TMEM237: variants seen among roughly 807,000 people sequenced by gnomAD.
TMEM237 encodes the protein transmembrane protein 237, also known as amyotrophic lateral sclerosis 2 (juvenile) chromosome region, candidate 4.
Under a neutral mutation model 59.1 loss-of-function variants are expected in TMEM237, and 51 were observed. That is an observed-to-expected ratio of 0.86 (90% confidence interval 0.69 to 1.09). The LOEUF (loss-of-function observed/expected upper bound fraction) is 1.09. Among genes scored for constraint, TMEM237 ranks in the 50% least tolerant of loss-of-function variants. TMEM237 has a pLI of 0.00. For synonymous variants in TMEM237, 140 were observed against 166.1 expected, an observed-to-expected ratio of 0.84 and a Z score of 1.21; for missense variants, 475 against 478.3, an observed-to-expected ratio of 0.99 and a Z score of 0.06.
Position 201,636,888 on chromosome 2 carries a change from A to G in TMEM237, c.137-3T>C, listed in dbSNP as rs540193518. On this transcript the variant is annotated splice_polypyrimidine_tract_variant and splice_region_variant and intron_variant, in intron 4 of 12. Coordinates refer to ENST00000409883, the MANE Select transcript of TMEM237 (RefSeq NM_001044385.3). Reference sequence around the variant, plus strand: ...AAGGCCTTCCAAAGAAGCACTTGCTATAGAAAAACAGAGTAGAAAAAAATG... The same window carrying G: ...AAGGCCTTCCAAAGAAGCACTTGCTGTAGAAAAACAGAGTAGAAAAAAATG... 12 of 1,595,546 alleles carry G rather than the reference A, an allele frequency of 7.5e-6. No individual in the cohort carries two copies. Among genetic ancestry groups the G allele is most frequent in the African/African-American group, 6.7e-5 (5 of 74,228 alleles).
At position 201,636,433 on chromosome 2, in the gene TMEM237, C is replaced by T. The variant is rs144202660; in HGVS notation, c.274+315G>A. On this transcript the variant is annotated intron_variant, in intron 5 of 12. Transcript: ENST00000409883. ...TATATTATTGTTAGTACAGAATCTA[C>T]CATTTCCCCACTAATCTGAAATGTC... The T allele has an allele frequency of 2.7e-3, 630 of 233,426 alleles. 3 individuals are homozygous for T. The highest frequency in any genetic ancestry group is 0.014 in the African/African-American group (589 of 43,496). The allele number at this position is 233,426 out of a possible 1,614,324, so 14.5% of individuals were successfully genotyped here. A position where few individuals can be genotyped will look rare whatever the true frequency, so the allele number is the denominator to read the frequency against.
chr2:201,642,743 A>G lies in TMEM237; in HGVS notation c.42+616T>C, dbSNP rs540567076. On this transcript the variant is annotated intron_variant, in intron 1 of 12. Transcript: ENST00000409883. ...CATCGGGCCGCGCCGCCTGGCTAGT[A>G]CCCCGCGCGCAGCGCCCTGCGGGGA... 593 of 1,482,698 alleles carry G rather than the reference A, an allele frequency of 4.0e-4. 7 individuals carry two copies. In the East Asian group the frequency reaches 0.013, roughly 31 times the overall value. The allele number at this position is 1,482,698 out of a possible 1,614,324, so 91.8% of individuals were successfully genotyped here. A position where few individuals can be genotyped will look rare whatever the true frequency, so the allele number is the denominator to read the frequency against.
Position 201,636,866 on chromosome 2 carries a change from G to C in TMEM237, c.156C>G (p.Gly52=). 6.2e-7 allele frequency: 1 copy of C among 1,605,040 alleles called. No individual in the cohort carries two copies. The highest frequency in any genetic ancestry group is 2.2e-5 in the East Asian group (1 of 44,820). ...KNTPASASLE[G]LAQTAGRRPS... ...GCCTTCGACCAGCAGTCTGAGCAAG[G>C]CCTTCCAAAGAAGCACTTGCTATAG... The change falls in exon 5 of 13, where the codon GGC becomes GGG. Residue 52 remains glycine, a synonymous_variant. Coordinates refer to ENST00000409883, the MANE Select transcript of TMEM237 (RefSeq NM_001044385.3).
At position 201,643,493 on chromosome 2, in the gene TMEM237, C is replaced by T; in HGVS notation, c.-93G>A. On this transcript the variant is annotated 5_prime_UTR_variant, in exon 1 of 13. Coordinates refer to ENST00000409883, the MANE Select transcript of TMEM237 (RefSeq NM_001044385.3). This position sits in a 1 kb window ranked among gnomAD's most constrained non-coding sequence, Gnocchi z 4.3. ...GCGGCCTCCGGGACCTGTGGGACGC[C>T]GGGGCTTCGTGGCGCCTGGCGAGGC... 8.6e-7 allele frequency: 1 copy of T among 1,168,048 alleles called. No individual in the cohort carries two copies. Among genetic ancestry groups the T allele is most frequent in the East Asian group, 3.3e-5 (1 of 30,512 alleles). 72.4% of individuals were successfully genotyped at this position (1,168,048 alleles called of 1,614,324 possible). A position where few individuals can be genotyped will look rare whatever the true frequency, so the allele number is the denominator to read the frequency against.
chr2:201,642,867 G>A, intron 1 of TMEM237: 1 of 1,337,132 alleles, frequency 7.5e-7, no homozygotes. Flanking sequence ...CCCAGGAGCA[G>A]AAATCTGGCG....
At chr2:201,627,783 G>A (rs1198220821) in intron 10 of TMEM237, among the ~76,000 whole-genome samples, 2 of 151,988 alleles carry the variant, frequency 1.3e-5, no homozygotes, top group Non-Finnish European at 2.9e-5. Flanking sequence ...TTATTAAAAG[G>A]CCATACCCGC....
chr2:201,626,209 C>G, intron 11 of TMEM237, 62 bp from the exon 12 acceptor site: 1 of 1,540,172 alleles, frequency 6.5e-7, no homozygotes, highest in Non-Finnish European at 8.8e-7. Context: ...ACAAATATAT[C>G]TATTTTATGA....
intron 4 of TMEM237, 87 bp from the exon 5 acceptor site, chr2:201,636,972 T>G (rs1687308035): frequency 7.5e-7 from 1 of 1,341,192 alleles, no homozygotes; most frequent in Non-Finnish European, 1.0e-6. Flanking sequence ...GTAACTAGAA[T>G]GTTTCCTATA....
chr2:201,626,623 T>C (rs1957761308), intron 11 of TMEM237, among the ~76,000 whole-genome samples: 3 of 151,486 alleles, frequency 2.0e-5, no homozygotes, highest in African/African-American at 7.3e-5. Flanking sequence ...GGCTGGCCGC[T>C]GATCTGCAGA....
rs1687461521 is a variant in TMEM237, at chr2:201,643,003, G to C, written c.42+356C>G. On this transcript the variant is annotated intron_variant, in intron 1 of 12. Transcript: ENST00000409883. This position sits in a 1 kb window ranked among gnomAD's most constrained non-coding sequence, Gnocchi z 4.3. ...TCCGCAGGCGAACAGATCTCTTCTG[G>C]GCAGCTACAGACCTCTCCTCGGAGG... is the stretch of plus-strand genomic sequence containing the variant. 1 of 1,297,112 alleles carries C rather than the reference G, an allele frequency of 7.7e-7. No homozygotes were observed. Among genetic ancestry groups the C allele is most frequent in the Non-Finnish European group, 9.8e-7 (1 of 1,025,208 alleles). 80.4% of individuals were successfully genotyped at this position (1,297,112 alleles called of 1,614,324 possible). A position where few individuals can be genotyped will look rare whatever the true frequency, so the allele number is the denominator to read the frequency against.
At chr2:201,629,481 G>A in intron 8 of TMEM237, 60 bp from the exon 9 acceptor site, 1 of 1,425,644 alleles carries the variant, frequency 7.0e-7, no homozygotes, top group Non-Finnish European at 9.2e-7. Context: ...GCTAAAACAT[G>A]TTTAAAATCT....
intron 1 of TMEM237, chr2:201,642,611 C>T (rs1687447652): frequency 6.2e-7 from 1 of 1,609,224 alleles, no homozygotes; most frequent in Non-Finnish European, 8.5e-7. Flanking sequence ...TCGCTTACCA[C>T]AGGATTCTTC....
intron 6 of TMEM237, 134 bp downstream of exon 6, chr2:201,633,177 G>A (rs1687213508): frequency 1.2e-6 from 1 of 819,684 alleles, no homozygotes; most frequent in South Asian, 2.8e-5. Context: ...CTGATTTTTT[G>A]TAATAATACT....
At chr2:201,640,971 T>TC (rs765912711) in intron 1 of TMEM237, 47 bp from the exon 2 acceptor site, 291 of 1,548,942 alleles carry the variant, frequency 1.9e-4, no homozygotes, top group Non-Finnish European at 2.4e-4. Context: ...GCCTAGAGCA[T>TC]CTTTACTTCA....
At position 201,622,410 on chromosome 2, in the gene TMEM237, T is replaced by C. The variant is rs1393127128; in HGVS notation, c.*1845A>G. The stretch of plus-strand genomic sequence containing the variant: ...CACAGAGCTGCCTTCCTTTCTTGGC[T>C]CTAGGGGAGGATTTGTTTCCTTGCT... On this transcript the variant is annotated 3_prime_UTR_variant, in exon 13 of 13. Coordinates refer to ENST00000409883, the MANE Select transcript of TMEM237 (RefSeq NM_001044385.3). The C allele has an allele frequency of 6.6e-6, 1 of 152,200 alleles. No homozygotes were observed. Among genetic ancestry groups the C allele is most frequent in the Non-Finnish European group, 1.5e-5 (1 of 68,058 alleles). 9.4% of individuals were successfully genotyped at this position (152,200 alleles called of 1,614,324 possible).
At chr2:201,626,317 G>A in intron 11 of TMEM237, 170 bp from the exon 12 acceptor site, 1 of 661,682 alleles carries the variant, frequency 1.5e-6, no homozygotes, top group Non-Finnish European at 2.4e-6. Flanking sequence ...TATATAATGA[G>A]AACAAGGGTT....
chr2:201,643,020 C>T lies in TMEM237; in HGVS notation c.42+339G>A. ...CTCTTCTGGGCAGCTACAGACCTCT[C>T]CTCGGAGGAGTCTAGGAGAGGCCTG... On this transcript the variant is annotated intron_variant, in intron 1 of 12. Coordinates refer to ENST00000409883, the MANE Select transcript of TMEM237 (RefSeq NM_001044385.3). This position sits in a 1 kb window ranked among gnomAD's most constrained non-coding sequence, Gnocchi z 4.3. The T allele has an allele frequency of 7.7e-7, 1 of 1,291,316 alleles. No individual in the cohort carries two copies. The highest frequency in any genetic ancestry group is 9.8e-7 in the Non-Finnish European group (1 of 1,018,502). 80.0% of individuals were successfully genotyped at this position (1,291,316 alleles called of 1,614,324 possible).
chr2:201,642,943 A>C, intron 1 of TMEM237: 2 of 1,322,924 alleles, frequency 1.5e-6, no homozygotes, highest in South Asian at 2.1e-5. Flanking sequence ...TGTTTGCGGG[A>C]AGCGGGGCGT....
Position 201,632,065 on chromosome 2 carries a change from A to G in TMEM237, c.539T>C (p.Phe180Ser). The G allele has an allele frequency of 6.2e-7, 1 of 1,613,684 alleles. No individual in the cohort carries two copies. Among genetic ancestry groups the G allele is most frequent in the Non-Finnish European group, 8.5e-7 (1 of 1,179,716 alleles). The change falls in exon 7 of 13, where the codon TTT becomes TCT. Residue 180 changes from phenylalanine to serine, a missense_variant. Coordinates refer to ENST00000409883, the MANE Select transcript of TMEM237 (RefSeq NM_001044385.3). Reference sequence around the variant, plus strand: ...CATCTACTTACGGCTTTTTTCCACAAATACTTTGCCTACAGGCTGGCTAAT... The same window carrying G: ...CATCTACTTACGGCTTTTTTCCACAGATACTTTGCCTACAGGCTGGCTAAT... ...TGISQPVGKV[F>S]VEKSRRFQAA...
Sources: gnomAD v4.1 joint callset for allele counts (sites outside exome capture counted in the v4.1 genomes callset) on GRCh38, gnomAD v4.1.1 for gene constraint, Gnocchi (gnomAD v3.1) non-coding constraint, MANE v1.5 for transcripts, NCBI Gene and HGNC (gene_info 2026-07-23, HGNC 2026-07-21) for gene names.